LRRC37A2: variants seen among roughly 807,000 people sequenced by gnomAD.
LRRC37A2 encodes the protein leucine rich repeat containing 37 member A2.
Under a neutral mutation model 68.8 loss-of-function variants are expected in LRRC37A2, and 9 were observed. The ratio of observed to expected loss-of-function variants is 0.13; its 90% CI spans 0.08 to 0.23. The LOEUF (loss-of-function observed/expected upper bound fraction) is 0.23, where lower values mean the gene tolerates loss of function less well. Ranked by LOEUF, LRRC37A2 falls within the 10% of genes least tolerant of loss-of-function variation. LRRC37A2 has a pLI of 1.00. For synonymous variants in LRRC37A2, 63 were observed against 367.6 expected (o/e 0.17, Z 9.48); for missense variants, 168 against 950.4 (o/e 0.18, Z 10.82).
the LRRC37A2 span, chr17:47,049,021 A>G: frequency 1.3e-5 from 7 of 550,328 alleles, no homozygotes; most frequent in Non-Finnish European, 1.6e-5. Flanking sequence ...TTTTCAAAAG[A>G]TATATTTTCT....
At chr17:46,943,557 C>T in the LRRC37A2 span, among the ~76,000 whole-genome samples, 1 of 152,248 alleles carries the variant, frequency 6.6e-6, no homozygotes, top group Admixed American at 6.5e-5. Context: ...CTGCACGCTT[C>T]CTGCGGAATG....
chr17:47,003,389 T>A, the LRRC37A2 span, among the ~76,000 whole-genome samples: 10 of 151,952 alleles, frequency 6.6e-5, no homozygotes, highest in East Asian at 1.7e-3. Context: ...GATGAGCACA[T>A]CAACTACTAG....
chr17:47,018,337 C>A, the LRRC37A2 span: 43 of 1,611,486 alleles, frequency 2.7e-5, no homozygotes, highest in Non-Finnish European at 3.6e-5. Flanking sequence ...CAGCAGGAGA[C>A]CCCAGGTCAG....
chr17:46,886,194 G>A, the LRRC37A2 span: 2 of 152,262 alleles, frequency 1.3e-5, no homozygotes, highest in African/African-American at 4.8e-5. Context: ...ACCCATATCA[G>A]TACAGAAAGC....
chr17:46,887,210 C>T, the LRRC37A2 span, among the ~76,000 whole-genome samples: 2 of 152,176 alleles, frequency 1.3e-5, no homozygotes, highest in African/African-American at 2.4e-5. Context: ...TAGCATTGCT[C>T]TATCTCCTGA....
At chr17:46,757,718 G>A in the LRRC37A2 span, among the ~76,000 whole-genome samples, 3 of 150,160 alleles carry the variant, frequency 2.0e-5, no homozygotes, top group African/African-American at 5.0e-5. Context: ...AAAAAAAAAT[G>A]CCTGGCACGG....
the LRRC37A2 span, chr17:46,940,814 C>G: frequency 6.8e-7 from 1 of 1,473,218 alleles, no homozygotes; most frequent in Non-Finnish European, 9.0e-7. Flanking sequence ...TCTTTACCAC[C>G]TGCGGCTGGT....
chr17:46,675,338 C>CAAG, the LRRC37A2 span, among the ~76,000 whole-genome samples: 2 of 122,892 alleles, frequency 1.6e-5, 1 homozygote, highest in Admixed American at 1.9e-4. Flanking sequence ...AACAAAAAGG[C>CAAG]TTACTTTCCT....
chr17:46,775,321 C>T, the LRRC37A2 span, among the ~76,000 whole-genome samples: 1 of 152,316 alleles, frequency 6.6e-6, no homozygotes, highest in Non-Finnish European at 1.5e-5. Context: ...TGCCTTCCCC[C>T]GGGTCCCTCC....
the LRRC37A2 span, chr17:47,017,213 G>A: frequency 2.4e-5 from 38 of 1,611,744 alleles, no homozygotes; most frequent in African/African-American, 2.7e-4. Context: ...CTCAGTGCCC[G>A]GCACTAGCGT....
At chr17:46,949,198 A>C in the LRRC37A2 span, 13 of 152,208 alleles carry the variant, frequency 8.5e-5, no homozygotes, top group African/African-American at 3.1e-4. Flanking sequence ...GAGGAGAATC[A>C]TCTGAAGGTT....
chr17:46,688,606 GC>G, the LRRC37A2 span, among the ~76,000 whole-genome samples: 1 of 51,132 alleles, frequency 2.0e-5, no homozygotes, highest in African/African-American at 1.1e-4. Context: ...GTTGGAAATA[GC>G]CAAGATAGTT....
the LRRC37A2 span, among the ~76,000 whole-genome samples, chr17:46,982,688 G>A: frequency 6.6e-5 from 10 of 152,302 alleles, no homozygotes; most frequent in Middle Eastern, 6.8e-3. Flanking sequence ...CATCATCCCT[G>A]GGGGAGGTGC....
At chr17:46,773,233 G>T in the LRRC37A2 span, among the ~76,000 whole-genome samples, 2 of 152,068 alleles carry the variant, frequency 1.3e-5, no homozygotes, top group African/African-American at 4.8e-5. Flanking sequence ...GGGGCTCTTG[G>T]GGGCAACGCA....
At chr17:46,834,206 A>C in the LRRC37A2 span, among the ~76,000 whole-genome samples, 2 of 152,172 alleles carry the variant, frequency 1.3e-5, no homozygotes, top group Non-Finnish European at 2.9e-5. Context: ...AAAAATAAAA[A>C]AAGAAAATGT....
At chr17:46,785,765 C>T in the LRRC37A2 span, among the ~76,000 whole-genome samples, 1 of 152,262 alleles carries the variant, frequency 6.6e-6, no homozygotes, top group Non-Finnish European at 1.5e-5. Flanking sequence ...ACAGACTATA[C>T]CTCAGTCAGA....
the LRRC37A2 span, chr17:46,875,260 A>G: frequency 6.2e-7 from 1 of 1,614,140 alleles, no homozygotes; most frequent in Non-Finnish European, 8.5e-7. Context: ...TGCGGTGACA[A>G]CCTCAAGTAC....
intron 6 of LRRC37A2, among the ~76,000 whole-genome samples, chr17:46,530,241 A>G (rs1222513047): frequency 6.5e-5 from 8 of 122,332 alleles, no homozygotes; most frequent in Non-Finnish European, 1.0e-4. Context: ...GAAGATATAG[A>G]ATGAAGGGGT....
At chr17:46,827,071 C>T in the LRRC37A2 span, among the ~76,000 whole-genome samples, 2 of 152,200 alleles carry the variant, frequency 1.3e-5, no homozygotes, top group Non-Finnish European at 2.9e-5. Flanking sequence ...GCCACCATGC[C>T]CAGCCTCAGC....
Sources: gnomAD v4.1 joint callset for allele counts (sites outside exome capture counted in the v4.1 genomes callset) on GRCh38, gnomAD v4.1.1 for gene constraint, MANE v1.5 for transcripts, NCBI Gene and HGNC (gene_info 2026-07-23, HGNC 2026-07-21) for gene names.